PTPRD: variants seen among roughly 807,000 people sequenced by gnomAD.
The protein encoded by PTPRD is receptor-type tyrosine-protein phosphatase delta.
PTPRD carries 34 observed loss-of-function variants against 214.5 expected under a neutral mutation model. The ratio of observed to expected loss-of-function variants is 0.16; its 90% confidence interval spans 0.12 to 0.21. The LOEUF (loss-of-function observed/expected upper bound fraction) is 0.21. Among genes scored for constraint, PTPRD ranks in the 10% least tolerant of loss-of-function variants. The probability of loss-of-function intolerance (pLI) is 1.00; values close to 1 mark genes in which losing one functional copy is unlikely to be tolerated. For synonymous variants in PTPRD, 1,128 were observed against 845.7 expected (o/e 1.33, Z -5.79); for missense variants, 2,545 against 2,398.7 (o/e 1.06, Z -1.27).
At chr9:9,951,745 C>G (rs1193789768) in intron 4 of PTPRD, among the ~76,000 whole-genome samples, 2 of 152,166 alleles carry the variant, frequency 1.3e-5, no homozygotes, top group Non-Finnish European at 2.9e-5. Flanking sequence ...AATTCTGCAT[C>G]AGGAGGAAAC....
chr9:9,971,652 T>A (rs975146353), intron 4 of PTPRD, among the ~76,000 whole-genome samples: 5 of 152,196 alleles, frequency 3.3e-5, no homozygotes, highest in Non-Finnish European at 7.3e-5. Flanking sequence ...GCATTCAGCA[T>A]GCTTTGACAA....
At chr9:10,411,817 G>A (rs6474543) in intron 2 of PTPRD, among the ~76,000 whole-genome samples, 110,734 of 151,580 alleles carry the variant, frequency 0.73, 41,117 homozygotes, top group Non-Finnish European at 0.81. Context: ...TAATGATTAT[G>A]ATCAAGTTAA....
intron 4 of PTPRD, among the ~76,000 whole-genome samples, chr9:9,982,676 G>C (rs1304777015): frequency 6.6e-6 from 1 of 151,838 alleles, no homozygotes. Context: ...TCAGATCAAG[G>C]CTTTCCTATG....
intron 12 of PTPRD, among the ~76,000 whole-genome samples, chr9:8,713,130 C>A (rs2098380032): frequency 1.3e-5 from 2 of 152,142 alleles, no homozygotes; most frequent in South Asian, 4.1e-4. Flanking sequence ...GACTTAAAAA[C>A]AACAACAACG....
At chr9:9,408,550 CA>C (rs1358071949) in intron 8 of PTPRD, among the ~76,000 whole-genome samples, 4 of 151,812 alleles carry the variant, frequency 2.6e-5, no homozygotes, top group Admixed American at 2.0e-4. Flanking sequence ...GAAAGGAAAG[CA>C]AAAGAATAAT....
At chr9:9,847,146 G>A (rs1002612460) in intron 5 of PTPRD, among the ~76,000 whole-genome samples, 9 of 151,930 alleles carry the variant, frequency 5.9e-5, no homozygotes, top group African/African-American at 1.9e-4. Flanking sequence ...AGTTCTAAAT[G>A]TCCTTTCAGA....
chr9:9,523,373 G>A (rs945660960), intron 8 of PTPRD, among the ~76,000 whole-genome samples: 1 of 152,032 alleles, frequency 6.6e-6, no homozygotes, highest in African/African-American at 2.4e-5. Context: ...TATTGGAGGG[G>A]AGATATTGGG....
At chr9:9,062,095 A>C (rs2099708616) in intron 10 of PTPRD, among the ~76,000 whole-genome samples, 1 of 152,130 alleles carries the variant, frequency 6.6e-6, no homozygotes, top group South Asian at 2.1e-4. Flanking sequence ...TCATCCCCTC[A>C]TTTTATATTC....
chr9:9,694,935 C>T lies in PTPRD; in HGVS notation c.-287+39598G>A, dbSNP rs192279994. On this transcript the variant is annotated intron_variant, in intron 7 of 45. Transcript: ENST00000381196. The stretch of plus-strand genomic sequence containing the variant: ...AAGCCTGGACTCGGACTCCCAAGAG[C>T]CTGCTTGTTGCTCTACCCTACTGTG... 5.7e-3 allele frequency among the ~76,000 whole-genome samples: 870 copies of T among 152,232 alleles called. 7 individuals are homozygous for T. Among genetic ancestry groups the T allele is most frequent in the Non-Finnish European group, 9.7e-3 (660 of 68,016 alleles).
At chr9:10,179,534 T>C (rs1017295689) in intron 3 of PTPRD, among the ~76,000 whole-genome samples, 4 of 152,040 alleles carry the variant, frequency 2.6e-5, no homozygotes, top group African/African-American at 7.2e-5. Context: ...TGCTTGGAAA[T>C]AAGAGTATTT....
chr9:10,459,757 T>C (rs887106668), intron 2 of PTPRD, among the ~76,000 whole-genome samples: 1 of 152,116 alleles, frequency 6.6e-6, no homozygotes, highest in Non-Finnish European at 1.5e-5. Context: ...GGATTGTTTT[T>C]TCTTGTAAAT....
At chr9:9,976,784 T>C (rs570003067) in intron 4 of PTPRD, among the ~76,000 whole-genome samples, 4 of 151,276 alleles carry the variant, frequency 2.6e-5, no homozygotes, top group Non-Finnish European at 5.9e-5. Context: ...GTTCTTATTC[T>C]CTAGCTAGCT....
chr9:9,548,466 G>C, intron 8 of PTPRD, among the ~76,000 whole-genome samples: 1 of 146,366 alleles, frequency 6.8e-6, no homozygotes, highest in Non-Finnish European at 1.5e-5. Context: ...GGAGGGCAGT[G>C]ACATGATCTT....
At chr9:10,195,051 G>C (rs1325287570) in intron 3 of PTPRD, among the ~76,000 whole-genome samples, 1 of 148,270 alleles carries the variant, frequency 6.7e-6, no homozygotes, top group Non-Finnish European at 1.5e-5. Context: ...TCCTGCCTCA[G>C]CCTTCCAAGT....
intron 19 of PTPRD, among the ~76,000 whole-genome samples, chr9:8,523,153 G>T (rs1018800307): frequency 6.6e-6 from 1 of 152,122 alleles, no homozygotes; most frequent in Admixed American, 6.6e-5. Context: ...GATTAGGGGA[G>T]AAACTAGAAA....
At chr9:9,528,573 C>G (rs1052990345) in intron 8 of PTPRD, among the ~76,000 whole-genome samples, 33 of 151,952 alleles carry the variant, frequency 2.2e-4, no homozygotes, top group African/African-American at 8.0e-4. Context: ...CGAGAATTTT[C>G]CCAAGTTGCT....
intron 9 of PTPRD, among the ~76,000 whole-genome samples, chr9:9,289,173 TG>T (rs956684521): frequency 2.3e-4 from 35 of 151,956 alleles, no homozygotes; most frequent in African/African-American, 7.9e-4. Flanking sequence ...AATTTCTAAA[TG>T]GTAGGTATTT....
chr9:9,281,377 C>T (rs988636884), intron 9 of PTPRD, among the ~76,000 whole-genome samples: 3 of 151,080 alleles, frequency 2.0e-5, no homozygotes, highest in Non-Finnish European at 4.4e-5. Flanking sequence ...TCAAAATATG[C>T]AAACAACTTT....
chr9:10,448,965 T>G lies in PTPRD; in HGVS notation c.-599-107948A>C, dbSNP rs1430759328. Among the ~76,000 whole-genome samples the G allele has an allele frequency of 2.0e-5, 3 of 151,990 alleles. 1 individual carries two copies. The highest frequency in any genetic ancestry group is 7.3e-5 in the African/African-American group (3 of 41,214). ...TATACTTAATGAAAATAGCAGTTAT[T>G]CATATCTTTGAACTTAAGACAAAAC... On this transcript the variant is annotated intron_variant, in intron 2 of 45. Transcript: ENST00000381196.
Sources: gnomAD v4.1 joint callset for allele counts (sites outside exome capture counted in the v4.1 genomes callset) on GRCh38, gnomAD v4.1.1 for gene constraint, MANE v1.5 for transcripts, NCBI Gene and HGNC (gene_info 2026-07-23, HGNC 2026-07-21) for gene names.